The following UBA6 variants were observed in gnomAD, a reference collection of about 807,000 sequenced individuals.
UBA6 encodes ubiquitin-like modifier-activating enzyme 6.
Under a neutral mutation model 148.3 loss-of-function variants are expected in UBA6, and 87 were observed. That is an observed-to-expected ratio of 0.59 (90% CI 0.49 to 0.70). The LOEUF is 0.70. Among genes scored for constraint, UBA6 ranks in the 30% least tolerant of loss-of-function variants. The pLI is 0.00. For missense variants in UBA6, 1,186 were observed against 1,241.2 expected, an observed-to-expected ratio of 0.96 and a Z score of 0.67; for synonymous variants, 376 against 401.0, an observed-to-expected ratio of 0.94 and a Z score of 0.75.
intron 23 of UBA6, 37 bp downstream of exon 23, chr4:67,633,308 T>C (rs771428854): frequency 8.5e-6 from 13 of 1,528,814 alleles, no homozygotes; most frequent in Non-Finnish European, 1.1e-5. Flanking sequence ...TAAGCCAAGA[T>C]CAGACCTTTT....
chr4:67,667,520 G>A (rs999295584), intron 9 of UBA6, among the ~76,000 whole-genome samples: 10 of 151,180 alleles, frequency 6.6e-5, no homozygotes, highest in East Asian at 5.8e-4. Context: ...ATATTTTGCC[G>A]TCATTAAAAA....
chr4:67,686,952 T>TAAAAAAAA (rs546442640), intron 2 of UBA6, among the ~76,000 whole-genome samples: 8 of 57,188 alleles, frequency 1.4e-4, no homozygotes, highest in East Asian at 6.4e-4. Context: ...ATCCTGTCTC[T>TAAAAAAAA]AAAAAAAAAA....
chr4:67,646,795 A>G lies in UBA6; in HGVS notation c.1249-4T>C, dbSNP rs771870753. On this transcript the variant is annotated splice_polypyrimidine_tract_variant and splice_region_variant and intron_variant, in intron 14 of 32. Coordinates refer to ENST00000322244, the MANE Select transcript of UBA6 (RefSeq NM_018227.6). ...TATCTGCTGCTTCAAGATATAACTT[A>G]AAGTAGAAGATTAAAAACACAATTA... is the stretch of plus-strand genomic sequence containing the variant. 1 of 1,585,652 alleles carries G rather than the reference A, an allele frequency of 6.3e-7. No individual in the cohort carries two copies. The highest frequency in any genetic ancestry group is 1.2e-5 in the South Asian group (1 of 86,280).
At position 67,638,951 on chromosome 4, in the gene UBA6, G is replaced by C; in HGVS notation, c.1728C>G (p.Tyr576Ter). ...TALDNVEARRYVDSRCLANLR... is the reference protein window; with the variant it reads ...TALDNVEARR ...GAATTTCAAGAACATACCTGTCTAC[G>C]TATCTCCTGGCTTCCACATTATCTA... Residue 576 changes from tyrosine (Y) to a stop codon, truncating the protein, a stop_gained, in exon 19 of 33, where the codon TAC becomes TAG. Coordinates refer to ENST00000322244, the MANE Select transcript of UBA6 (RefSeq NM_018227.6). LOFTEE classifies it high-confidence loss of function. 2 of 1,602,304 alleles carry C rather than the reference G, an allele frequency of 1.2e-6. No homozygotes were observed. The highest frequency in any genetic ancestry group is 1.7e-6 in the Non-Finnish European group (2 of 1,172,680).
intron 4 of UBA6, 144 bp from the exon 5 acceptor site, chr4:67,678,677 A>C: frequency 2.3e-6 from 1 of 440,874 alleles, no homozygotes; most frequent in Non-Finnish European, 4.1e-6. Context: ...TAAAATATGT[A>C]AAGATGTTCA....
chr4:67,660,654 C>T (rs1729826211), intron 13 of UBA6, among the ~76,000 whole-genome samples: 1 of 152,148 alleles, frequency 6.6e-6, no homozygotes, highest in Admixed American at 6.5e-5. Flanking sequence ...TAAGGCAGTG[C>T]AGAAGGATAA....
intron 6 of UBA6, among the ~76,000 whole-genome samples, chr4:67,675,922 C>A (rs1321790215): frequency 6.6e-6 from 1 of 151,936 alleles, no homozygotes; most frequent in African/African-American, 2.4e-5. Flanking sequence ...ACTGGAATAC[C>A]CTGTAACTTA....
intron 6 of UBA6, 53 bp from the exon 7 acceptor site, chr4:67,673,830 A>T: frequency 7.8e-7 from 1 of 1,279,234 alleles, no homozygotes; most frequent in Non-Finnish European, 1.1e-6. Context: ...TATTTTTTGT[A>T]GTATACAATA....
In UBA6 at chr4:67,681,523, A is replaced by C. The variant is rs777552979; in HGVS notation, c.258+40T>G. 4.2e-6 allele frequency: 6 copies of C among 1,427,838 alleles called. No individual in the cohort carries two copies. The South Asian group carries it at 6.3e-5, about 15-fold the overall frequency. 88.4% of individuals were successfully genotyped at this position (1,427,838 alleles called of 1,614,324 possible). ...ACCATAACAAATGAGCCAAAAAAAA[A>C]GGCTCATAACAATTTTTCTTACAGA... is the stretch of plus-strand genomic sequence containing the variant. On this transcript the variant is annotated intron_variant, in intron 4 of 32. Transcript: ENST00000322244.
At position 67,617,171 on chromosome 4, in the gene UBA6, T is replaced by C. The variant is rs759867775; in HGVS notation, c.*1826A>G. ...TTCTGAAGAGCTGTCGAGACTTCAATAAAATATAAGCAAGTTACTGGATCA... is the reference window on the plus strand; with the variant it reads ...TTCTGAAGAGCTGTCGAGACTTCAACAAAATATAAGCAAGTTACTGGATCA... On this transcript the variant is annotated 3_prime_UTR_variant, in exon 33 of 33. Transcript: ENST00000322244. 2 of 152,146 alleles carry C rather than the reference T, an allele frequency of 1.3e-5. No homozygotes were observed. The highest frequency in any genetic ancestry group is 4.8e-5 in the African/African-American group (2 of 41,460). The allele number at this position is 152,146 out of a possible 1,614,324, so 9.4% of individuals were successfully genotyped here.
rs1728644045 is a variant in UBA6, at chr4:67,617,157, T to C, written c.*1840A>G. 6.6e-6 allele frequency: 1 copy of C among 152,164 alleles called. No homozygotes were observed. The highest frequency in any genetic ancestry group is 2.1e-4 in the South Asian group (1 of 4,836). The allele number at this position is 152,164 out of a possible 1,614,324, so 9.4% of individuals were successfully genotyped here. On this transcript the variant is annotated 3_prime_UTR_variant, in exon 33 of 33. Transcript: ENST00000322244. ...CGTTCTAAATTTACTTCTGAAGAGC[T>C]GTCGAGACTTCAATAAAATATAAGC... is the stretch of plus-strand genomic sequence containing the variant.
At chr4:67,663,017 C>T in intron 12 of UBA6, 122 bp downstream of exon 12, 1 of 581,768 alleles carries the variant, frequency 1.7e-6, no homozygotes, top group Non-Finnish European at 2.8e-6. Context: ...TAAATGTTTG[C>T]ACAGCTTGGT....
At chr4:67,665,427 GTTTGTT>G in intron 9 of UBA6, 135 bp from the exon 10 acceptor site, 1 of 402,972 alleles carries the variant, frequency 2.5e-6, no homozygotes, top group Non-Finnish European at 4.1e-6. Context: ...TTTTTTGTTT[GTTTGTT>G]TTTTTTTTTT....
At chr4:67,624,097 A>G in intron 30 of UBA6, 29 bp downstream of exon 30, 2 of 1,507,838 alleles carry the variant, frequency 1.3e-6, no homozygotes, top group East Asian at 2.3e-5. Flanking sequence ...CATTCTCATT[A>G]TACAAGAGAA....
intron 8 of UBA6, 89 bp from the exon 9 acceptor site, chr4:67,668,763 A>G: frequency 7.6e-7 from 1 of 1,319,568 alleles, no homozygotes; most frequent in Non-Finnish European, 1.0e-6. Flanking sequence ...TGACAAAGTT[A>G]CCATAAAATT....
At chr4:67,652,008 T>C (rs1467390958) in intron 13 of UBA6, among the ~76,000 whole-genome samples, 2 of 152,206 alleles carry the variant, frequency 1.3e-5, no homozygotes, top group Non-Finnish European at 2.9e-5. Flanking sequence ...ATCATGTCTT[T>C]ATCAATACTT....
chr4:67,693,320 TAAG>T (rs1420722020), intron 2 of UBA6, among the ~76,000 whole-genome samples: 2 of 148,212 alleles, frequency 1.3e-5, no homozygotes, highest in Non-Finnish European at 3.0e-5. Context: ...TACTTTATTC[TAAG>T]AATACTGTGT....
At chr4:67,700,337 C>G (rs1339010575) in intron 1 of UBA6, among the ~76,000 whole-genome samples, 3 of 152,154 alleles carry the variant, frequency 2.0e-5, no homozygotes, top group Non-Finnish European at 4.4e-5. Context: ...TGTATTCTGA[C>G]AGTGGTGGAT....
chr4:67,653,289 C>G (rs1020550556), intron 13 of UBA6, among the ~76,000 whole-genome samples: 3 of 152,172 alleles, frequency 2.0e-5, no homozygotes, highest in Non-Finnish European at 4.4e-5. Context: ...CCGACAGACA[C>G]CTCATACAGG....
Sources: gnomAD v4.1 joint callset for allele counts (sites outside exome capture counted in the v4.1 genomes callset) on GRCh38, gnomAD v4.1.1 for gene constraint, MANE v1.5 for transcripts, NCBI Gene and HGNC (gene_info 2026-07-23, HGNC 2026-07-21) for gene names.